NLGN1: variants seen among roughly 807,000 people sequenced by gnomAD.
The protein encoded by NLGN1 is neuroligin-1.
A neutral mutation model predicts 65.5 loss-of-function variants in NLGN1; 12 were observed. The observed-to-expected ratio is 0.18, with a 90% CI of 0.12 to 0.30. The LOEUF (loss-of-function observed/expected upper bound fraction) is 0.30, where lower values mean the gene tolerates loss of function less well. NLGN1 is among the 10% of genes least tolerant of loss of function. NLGN1 has a pLI of 1.00. For synonymous variants in NLGN1, 350 were observed against 359.5 expected, an observed-to-expected ratio of 0.97 and a Z score of 0.30; for missense variants, 750 against 1,007.1, an observed-to-expected ratio of 0.74 and a Z score of 3.46.
intron 4 of NLGN1, among the ~76,000 whole-genome samples, chr3:173,924,101 T>A (rs1308494087): frequency 6.6e-6 from 1 of 152,130 alleles, no homozygotes; most frequent in Non-Finnish European, 1.5e-5. Context: ...ATCCATCTCA[T>A]TAAGGACTGA....
At chr3:173,920,094 A>G (rs553793341) in intron 4 of NLGN1, among the ~76,000 whole-genome samples, 1 of 152,064 alleles carries the variant, frequency 6.6e-6, no homozygotes, top group South Asian at 2.1e-4. Context: ...AGAAACTGAA[A>G]ATTCTAATGT....
intron 4 of NLGN1, among the ~76,000 whole-genome samples, chr3:173,899,508 G>T (rs1200154713): frequency 6.6e-6 from 1 of 152,042 alleles, no homozygotes; most frequent in Non-Finnish European, 1.5e-5. Context: ...ATGACCAATA[G>T]GCCAAACCTG....
intron 4 of NLGN1, among the ~76,000 whole-genome samples, chr3:174,247,419 A>T (rs1744003289): frequency 6.6e-6 from 1 of 152,178 alleles, no homozygotes; most frequent in Non-Finnish European, 1.5e-5. Context: ...GCTGTGAAAG[A>T]TAAACCTACC....
intron 2 of NLGN1, among the ~76,000 whole-genome samples, chr3:173,582,428 C>G (rs950843597): frequency 6.6e-6 from 1 of 151,998 alleles, no homozygotes. Flanking sequence ...ATCATATACT[C>G]TCTGTAATTT....
intron 2 of NLGN1, among the ~76,000 whole-genome samples, chr3:173,509,217 C>G (rs1218516941): frequency 2.6e-5 from 4 of 152,138 alleles, no homozygotes; most frequent in Non-Finnish European, 5.9e-5. Flanking sequence ...CTATTCAGCT[C>G]TAAGTCAAAA....
At chr3:173,700,948 A>G (rs1401896373) in intron 3 of NLGN1, among the ~76,000 whole-genome samples, 6 of 152,016 alleles carry the variant, frequency 3.9e-5, no homozygotes, top group African/African-American at 1.4e-4. Context: ...ACACGGTGAA[A>G]CCCTGTCTCT....
chr3:173,910,872 A>G (rs1196079728), intron 4 of NLGN1: 1 of 152,226 alleles, frequency 6.6e-6, no homozygotes, highest in Non-Finnish European at 1.5e-5. Flanking sequence ...TATGATAACT[A>G]TATCAGAGGG....
Position 174,141,638 on chromosome 3 carries a change from A to C in NLGN1, c.647-133677A>C, listed in dbSNP as rs956898295. ...TCTGCTGGTGGTTCATTAAGTCAACAAATATGTTTAGTACCTACTAATTGC... is the reference window on the plus strand; with the variant it reads ...TCTGCTGGTGGTTCATTAAGTCAACCAATATGTTTAGTACCTACTAATTGC... On this transcript the variant is annotated intron_variant, in intron 4 of 6. Transcript: ENST00000457714. Among the ~76,000 whole-genome samples, 5 of 152,314 alleles carry C rather than the reference A, an allele frequency of 3.3e-5. No homozygotes were observed. The South Asian group carries it at 8.3e-4, about 25-fold the overall frequency.
intron 1 of NLGN1, among the ~76,000 whole-genome samples, chr3:173,409,730 C>T (rs951643261): frequency 3.3e-5 from 5 of 152,216 alleles, no homozygotes; most frequent in African/African-American, 1.2e-4. Flanking sequence ...CAGCAACCAA[C>T]ACTCTAATAT....
At chr3:173,811,700 A>G (rs1372107730) in intron 4 of NLGN1, among the ~76,000 whole-genome samples, 1 of 152,092 alleles carries the variant, frequency 6.6e-6, no homozygotes, top group African/African-American at 2.4e-5. Flanking sequence ...GTTCTTATGG[A>G]CAAGAATTAT....
chr3:174,134,994 A>G (rs151087572), intron 4 of NLGN1, among the ~76,000 whole-genome samples: 3,128 of 152,242 alleles, frequency 0.021, 48 homozygotes, highest in Non-Finnish European at 0.03. Flanking sequence ...TACTTCTGAC[A>G]TAGAAAAAAA....
chr3:173,580,341 A>G (rs1408359662), intron 2 of NLGN1, among the ~76,000 whole-genome samples: 1 of 152,102 alleles, frequency 6.6e-6, no homozygotes, highest in African/African-American at 2.4e-5. Flanking sequence ...ACACGGTTAA[A>G]TTGGAATGCC....
chr3:174,148,788 A>G (rs1378932227), intron 4 of NLGN1, among the ~76,000 whole-genome samples: 1 of 152,174 alleles, frequency 6.6e-6, no homozygotes, highest in Non-Finnish European at 1.5e-5. Context: ...CTTAGCATTT[A>G]CTGTGTCCCT....
chr3:173,900,618 C>A (rs964374054), intron 4 of NLGN1, among the ~76,000 whole-genome samples: 4 of 152,008 alleles, frequency 2.6e-5, no homozygotes, highest in Non-Finnish European at 4.4e-5. Context: ...GGGAATTTAA[C>A]TTCCAATTTT....
At chr3:173,785,976 T>A (rs1236079331) in intron 3 of NLGN1, among the ~76,000 whole-genome samples, 2 of 152,150 alleles carry the variant, frequency 1.3e-5, no homozygotes, top group Non-Finnish European at 2.9e-5. Context: ...GTCAAAATCC[T>A]ACAAATAGAA....
intron 3 of NLGN1, among the ~76,000 whole-genome samples, chr3:173,634,395 A>G (rs761895721): frequency 6.6e-5 from 10 of 152,168 alleles, no homozygotes; most frequent in Non-Finnish European, 1.3e-4. Flanking sequence ...TATGTATATT[A>G]CTGTGCCTCA....
intron 2 of NLGN1, among the ~76,000 whole-genome samples, chr3:173,564,032 A>G (rs1435026779): frequency 6.6e-6 from 1 of 152,240 alleles, no homozygotes; most frequent in Non-Finnish European, 1.5e-5. Context: ...TCTGGCCCTT[A>G]CTACCTGTCA....
intron 4 of NLGN1, among the ~76,000 whole-genome samples, chr3:174,243,932 T>G (rs551434195): frequency 5.9e-5 from 9 of 152,328 alleles, no homozygotes; most frequent in Non-Finnish European, 1.0e-4. Flanking sequence ...AACTCTCATT[T>G]GGACTCAGAT....
intron 2 of NLGN1, among the ~76,000 whole-genome samples, chr3:173,457,405 A>G (rs987691506): frequency 6.6e-6 from 1 of 152,114 alleles, no homozygotes; most frequent in African/African-American, 2.4e-5. Context: ...CAAAGCATAA[A>G]GACAAGTGTG....
Sources: gnomAD v4.1 joint callset for allele counts (sites outside exome capture counted in the v4.1 genomes callset) on GRCh38, gnomAD v4.1.1 for gene constraint, MANE v1.5 for transcripts, NCBI Gene and HGNC (gene_info 2026-07-23, HGNC 2026-07-21) for gene names.